The following MYO1D variants were observed in gnomAD, a reference collection of about 807,000 sequenced individuals.
MYO1D encodes the protein myosin ID.
In MYO1D, 83 loss-of-function variants were observed where a neutral mutation model predicts 122.0. The ratio of observed to expected loss-of-function variants is 0.68; its 90% confidence interval spans 0.57 to 0.82. The LOEUF is 0.82. Ranked by LOEUF, MYO1D falls within the 40% of genes least tolerant of loss-of-function variation. MYO1D has a pLI of 0.00. For missense variants in MYO1D, 1,157 were observed against 1,269.5 expected (o/e 0.91, Z 1.35); for synonymous variants, 464 against 446.9 (o/e 1.04, Z -0.48).
intron 1 of MYO1D, among the ~76,000 whole-genome samples, chr17:32,784,547 T>C (rs775185813): frequency 2.0e-5 from 3 of 152,170 alleles, no homozygotes; most frequent in Non-Finnish European, 2.9e-5. Flanking sequence ...AAAAGGGACA[T>C]ATATTTTCAC....
At chr17:32,871,882 C>T (rs2091182667) in intron 1 of MYO1D, among the ~76,000 whole-genome samples, 1 of 152,038 alleles carries the variant, frequency 6.6e-6, no homozygotes, top group East Asian at 1.9e-4. Context: ...TAGGAATGGC[C>T]CATGTAAGGA....
At chr17:32,662,251 T>C (rs1276943700) in intron 16 of MYO1D, among the ~76,000 whole-genome samples, 1 of 152,250 alleles carries the variant, frequency 6.6e-6, no homozygotes, top group African/African-American at 2.4e-5. Flanking sequence ...ATTTCTATTC[T>C]CTTAAGTTTC....
chr17:32,834,749 C>A (rs982884991), intron 1 of MYO1D, among the ~76,000 whole-genome samples: 11 of 152,222 alleles, frequency 7.2e-5, no homozygotes, highest in African/African-American at 2.4e-4. Context: ...CACGGTAGCT[C>A]CCACCTTTAA....
chr17:32,532,852 G>C (rs1378600795), intron 21 of MYO1D, among the ~76,000 whole-genome samples: 1 of 152,050 alleles, frequency 6.6e-6, no homozygotes. Context: ...TCTACACTAA[G>C]GTTATTTTGT....
chr17:32,786,550 T>C (rs1008849939), intron 1 of MYO1D, among the ~76,000 whole-genome samples: 1 of 152,264 alleles, frequency 6.6e-6, no homozygotes, highest in Middle Eastern at 3.2e-3. Flanking sequence ...CCGGGCGCAC[T>C]GGCTCACGCC....
intron 10 of MYO1D, among the ~76,000 whole-genome samples, chr17:32,757,163 T>C (rs950972930): frequency 1.4e-4 from 21 of 152,326 alleles, no homozygotes; most frequent in Admixed American, 5.9e-4. Flanking sequence ...TATTTGTACA[T>C]GGCTTTTAGC....
intron 1 of MYO1D, chr17:32,863,161 T>C (rs938531206): frequency 6.6e-6 from 1 of 152,204 alleles, no homozygotes; most frequent in African/African-American, 2.4e-5. Context: ...CAGTCATAAA[T>C]TGCACACTGT....
Position 32,876,705 on chromosome 17 carries a change from G to A in MYO1D, c.95+73C>T, listed in dbSNP as rs1024926132. 9 of 1,306,670 alleles carry A rather than the reference G, an allele frequency of 6.9e-6. No homozygotes were observed. The African/African-American group carries it at 1.3e-4, about 18-fold the overall frequency. 80.9% of individuals were successfully genotyped at this position (1,306,670 alleles called of 1,614,324 possible). On this transcript the variant is annotated intron_variant, in intron 1 of 21. Transcript: ENST00000318217. ...TGGGCGCTCCCGACACCCCGGATCCGGCCGCGCCCCGAGGCGCCCCCTCTC... is the reference window on the plus strand; with the variant it reads ...TGGGCGCTCCCGACACCCCGGATCCAGCCGCGCCCCGAGGCGCCCCCTCTC...
At chr17:32,692,442 A>C (rs2089116018) in intron 16 of MYO1D, among the ~76,000 whole-genome samples, 1 of 152,232 alleles carries the variant, frequency 6.6e-6, no homozygotes, top group Admixed American at 6.5e-5. Context: ...TCAATGAAAT[A>C]CGTGGCAAAA....
In MYO1D at chr17:32,738,346, T is replaced by A. The variant is rs1171750689; in HGVS notation, c.1653A>T (p.Lys551Asn). 6.2e-7 allele frequency: 1 copy of A among 1,605,376 alleles called. No individual in the cohort carries two copies. Among genetic ancestry groups the A allele is most frequent in the Admixed American group, 1.7e-5 (1 of 58,682 alleles). The change falls in exon 14 of 22, where the codon AAA (lysine) becomes AAT (asparagine). Residue 551 changes from lysine to asparagine, a missense_variant. Coordinates refer to ENST00000318217, the MANE Select transcript of MYO1D (RefSeq NM_015194.3). The stretch of plus-strand genomic sequence containing the variant: ...GCTTGGTCACCTCTGTAATGCTCAG[T>A]TTGCCTTCAGGCCACATATTCTTGA... ...PVLKNMWPEG[K>N]LSITEVTKRP... is the part of the protein sequence containing the mutation.
At chr17:32,722,017 A>G (rs2150992212) in intron 14 of MYO1D, among the ~76,000 whole-genome samples, 1 of 152,320 alleles carries the variant, frequency 6.6e-6, no homozygotes, top group South Asian at 2.1e-4. Context: ...GATACAGAAT[A>G]CTCTGTAGTT....
At chr17:32,659,013 C>G (rs2088514925) in intron 17 of MYO1D, 102 bp downstream of exon 17, 1 of 1,117,928 alleles carries the variant, frequency 8.9e-7, no homozygotes, top group African/African-American at 1.5e-5. Flanking sequence ...AATGTCATAA[C>G]AGCAAATAGC....
intron 16 of MYO1D, among the ~76,000 whole-genome samples, chr17:32,673,672 G>A (rs930707486): frequency 1.3e-4 from 20 of 152,198 alleles, no homozygotes; most frequent in African/African-American, 4.8e-4. Flanking sequence ...GAGGTGGGAA[G>A]ATTGCTTGAG....
chr17:32,601,966 T>C (rs940487552), intron 21 of MYO1D, among the ~76,000 whole-genome samples: 1 of 152,200 alleles, frequency 6.6e-6, no homozygotes, highest in Non-Finnish European at 1.5e-5. Context: ...TTATACTTAG[T>C]TGGTTTTTGT....
At chr17:32,788,988 G>GT (rs962861408) in intron 1 of MYO1D, among the ~76,000 whole-genome samples, 4 of 139,880 alleles carry the variant, frequency 2.9e-5, no homozygotes, top group Admixed American at 7.2e-5. Context: ...ATATTCCTAA[G>GT]TTTTTTTGTT....
chr17:32,792,533 A>G (rs1174570400), intron 1 of MYO1D: 2 of 152,228 alleles, frequency 1.3e-5, no homozygotes, highest in East Asian at 3.8e-4. Context: ...CTTGGCAAAA[A>G]TCATGGTTTC....
chr17:32,778,272 A>C (rs1480724581), intron 3 of MYO1D, among the ~76,000 whole-genome samples: 1 of 152,212 alleles, frequency 6.6e-6, no homozygotes, highest in Non-Finnish European at 1.5e-5. Flanking sequence ...TTTCTATTAA[A>C]AACAAATCTA....
At chr17:32,753,874 G>A (rs1430377319) in intron 11 of MYO1D, among the ~76,000 whole-genome samples, 1 of 151,048 alleles carries the variant, frequency 6.6e-6, no homozygotes, top group Non-Finnish European at 1.5e-5. Flanking sequence ...TCTAGCCTGG[G>A]CAACAGAGTG....
intron 21 of MYO1D, among the ~76,000 whole-genome samples, chr17:32,501,832 A>T (rs1177126817): frequency 2.0e-5 from 3 of 152,214 alleles, no homozygotes; most frequent in Non-Finnish European, 4.4e-5. Context: ...TCTGTGAGCA[A>T]ATTAATTGAA....
Sources: gnomAD v4.1 joint callset for allele counts (sites outside exome capture counted in the v4.1 genomes callset) on GRCh38, gnomAD v4.1.1 for gene constraint, MANE v1.5 for transcripts, NCBI Gene and HGNC (gene_info 2026-07-23, HGNC 2026-07-21) for gene names.